GALNT13: variants seen among roughly 807,000 people sequenced by gnomAD.
GALNT13 encodes the protein polypeptide N-acetylgalactosaminyltransferase 13.
In GALNT13, 28 loss-of-function variants were observed where a neutral mutation model predicts 64.2. The ratio of observed to expected loss-of-function variants is 0.44; its 90% confidence interval spans 0.32 to 0.60. The LOEUF is 0.60. Ranked by LOEUF, GALNT13 falls within the 20% of genes least tolerant of loss-of-function variation. The probability of loss-of-function intolerance (pLI) is 0.05; values close to 1 mark genes in which losing one functional copy is unlikely to be tolerated. For synonymous variants in GALNT13, 214 were observed against 224.6 expected, an observed-to-expected ratio of 0.95 and a Z score of 0.42; for missense variants, 577 against 669.8, an observed-to-expected ratio of 0.86 and a Z score of 1.53.
chr2:153,275,058 T>C, the GALNT13 span, among the ~76,000 whole-genome samples: 1 of 152,206 alleles, frequency 6.6e-6, no homozygotes, highest in Non-Finnish European at 1.5e-5. Flanking sequence ...CTGTTAGATG[T>C]GAACAAGTCA....
At chr2:153,870,089 A>G (rs1685828870), upstream of GALNT13, among the ~76,000 whole-genome samples, 1 of 151,924 alleles carries the variant, frequency 6.6e-6, no homozygotes, top group Admixed American at 6.6e-5. Flanking sequence ...AACCAAACTG[A>G]GCTAGCCAGG....
the GALNT13 span, among the ~76,000 whole-genome samples, chr2:153,193,452 C>G: frequency 2.4e-4 from 19 of 78,422 alleles, no homozygotes; most frequent in African/African-American, 8.9e-4. Flanking sequence ...GTGGTGGGGT[C>G]GGGGGAGGGG....
At chr2:153,288,264 T>C in the GALNT13 span, among the ~76,000 whole-genome samples, 1 of 152,202 alleles carries the variant, frequency 6.6e-6, no homozygotes, top group Non-Finnish European at 1.5e-5. Flanking sequence ...GAATGTGCCC[T>C]ATATGTGTGT....
chr2:154,381,819 G>T (rs1698287489), intron 9 of GALNT13, among the ~76,000 whole-genome samples: 1 of 152,048 alleles, frequency 6.6e-6, no homozygotes, highest in Non-Finnish European at 1.5e-5. Flanking sequence ...CATTTTTATT[G>T]TATTGAAATT....
intron 3 of GALNT13, among the ~76,000 whole-genome samples, chr2:153,991,508 C>T (rs1051348972): frequency 6.6e-6 from 1 of 152,104 alleles, no homozygotes; most frequent in African/African-American, 2.4e-5. Flanking sequence ...GGATATACAA[C>T]ATGTCTTCTT....
the GALNT13 span, chr2:153,593,262 G>A: frequency 6.6e-6 from 1 of 152,282 alleles, no homozygotes; most frequent in East Asian, 1.9e-4. Context: ...CCAGCCCTTC[G>A]GTTTGCGGTT....
chr2:153,397,590 A>G, the GALNT13 span, among the ~76,000 whole-genome samples: 11 of 152,184 alleles, frequency 7.2e-5, no homozygotes, highest in African/African-American at 2.4e-4. Context: ...CGTATTTGGA[A>G]TTAGGTATGA....
At chr2:154,405,941 A>G (rs1699517913) in intron 10 of GALNT13, among the ~76,000 whole-genome samples, 1 of 152,150 alleles carries the variant, frequency 6.6e-6, no homozygotes, top group Admixed American at 6.5e-5. Context: ...TTGTCATCAG[A>G]GTTTTCAAAG....
chr2:154,228,677 G>A (rs891745930), intron 4 of GALNT13, among the ~76,000 whole-genome samples: 1 of 152,086 alleles, frequency 6.6e-6, no homozygotes, highest in Non-Finnish European at 1.5e-5. Context: ...ACTAAAACTA[G>A]GGGTTTTTAT....
intron 2 of GALNT13, among the ~76,000 whole-genome samples, chr2:153,902,327 A>G (rs1265711350): frequency 6.6e-6 from 1 of 152,084 alleles, no homozygotes; most frequent in African/African-American, 2.4e-5. Context: ...CCTCTGGAAG[A>G]CAAAGCTAGT....
chr2:154,248,761 T>A (rs1247072259), intron 7 of GALNT13, among the ~76,000 whole-genome samples: 2 of 152,150 alleles, frequency 1.3e-5, no homozygotes, highest in Non-Finnish European at 2.9e-5. Context: ...GCATGAAAAC[T>A]TTTCCCAATC....
At chr2:154,350,030 A>G (rs1696303539) in intron 9 of GALNT13, among the ~76,000 whole-genome samples, 1 of 152,258 alleles carries the variant, frequency 6.6e-6, no homozygotes, top group Non-Finnish European at 1.5e-5. Flanking sequence ...GGATTCAAGG[A>G]CAAAAGAAAA....
At chr2:153,678,156 A>AATATATATATATATATATATATAT in the GALNT13 span, among the ~76,000 whole-genome samples, 59 of 145,610 alleles carry the variant, frequency 4.1e-4, no homozygotes, top group African/African-American at 1.4e-3. Flanking sequence ...CCGACAAATG[A>AATATATATATATATATATATATAT]ATATATATAT....
chr2:153,450,662 G>A, the GALNT13 span, among the ~76,000 whole-genome samples: 12 of 151,166 alleles, frequency 7.9e-5, no homozygotes, highest in Non-Finnish European at 1.2e-4. Context: ...ATTATATTCC[G>A]ATGAACACAT....
intron 3 of GALNT13, among the ~76,000 whole-genome samples, chr2:154,086,367 T>C (rs1251602188): frequency 4.0e-5 from 6 of 148,250 alleles, no homozygotes; most frequent in East Asian, 2.0e-4. Flanking sequence ...CAATTTTCTT[T>C]ATATATCACC....
intron 3 of GALNT13, among the ~76,000 whole-genome samples, chr2:154,083,377 AT>A (rs1258524499): frequency 2.4e-4 from 37 of 151,840 alleles, no homozygotes; most frequent in African/African-American, 7.7e-4. Flanking sequence ...TTTGCTTAGG[AT>A]TGTCTTGGCT....
chr2:153,722,237 T>C, the GALNT13 span, among the ~76,000 whole-genome samples: 42 of 147,192 alleles, frequency 2.9e-4, no homozygotes, highest in African/African-American at 1.1e-3. Flanking sequence ...AAGGCAGAAA[T>C]AAAGATGTAC....
At chr2:153,842,833 C>G in the GALNT13 span, among the ~76,000 whole-genome samples, 6 of 151,970 alleles carry the variant, frequency 3.9e-5, no homozygotes, top group Non-Finnish European at 8.8e-5. Flanking sequence ...TGTCTTAGAA[C>G]ATATATGACA....
At chr2:153,665,917 A>C in the GALNT13 span, among the ~76,000 whole-genome samples, 1 of 152,124 alleles carries the variant, frequency 6.6e-6, no homozygotes, top group Admixed American at 6.5e-5. Flanking sequence ...GGCTGCAGTG[A>C]AGAATGGACA....
Sources: allele counts gnomAD v4.1 joint callset (sites outside exome capture counted in the v4.1 genomes callset), GRCh38; gene constraint gnomAD v4.1.1; transcripts MANE v1.5; gene names NCBI Gene and HGNC (gene_info 2026-07-23, HGNC 2026-07-21).